The following WASL variants were observed in gnomAD, a reference collection of about 807,000 sequenced individuals.
The protein encoded by WASL is WASP like actin nucleation promoting factor.
In WASL, 20 loss-of-function variants were observed where a neutral mutation model predicts 55.5. The ratio of observed to expected loss-of-function variants is 0.36; its 90% CI spans 0.25 to 0.52. The LOEUF (loss-of-function observed/expected upper bound fraction) is 0.52. Ranked by LOEUF, WASL falls within the 20% of genes least tolerant of loss-of-function variation. The pLI, the probability that WASL is intolerant of heterozygous loss-of-function variation, is 0.92. For synonymous variants in WASL, 249 were observed against 217.6 expected, an observed-to-expected ratio of 1.14 and a Z score of -1.27; for missense variants, 504 against 622.5, an observed-to-expected ratio of 0.81 and a Z score of 2.03.
intron 5 of WASL, among the ~76,000 whole-genome samples, chr7:123,703,383 C>T (rs1479728121): frequency 6.6e-6 from 1 of 152,134 alleles, no homozygotes; most frequent in Non-Finnish European, 1.5e-5. Flanking sequence ...CAGTGCCTGG[C>T]AGGTAGTAAA....
chr7:123,690,278 T>C (rs531495720), intron 9 of WASL, among the ~76,000 whole-genome samples: 4 of 152,292 alleles, frequency 2.6e-5, no homozygotes, highest in Admixed American at 2.0e-4. Flanking sequence ...AAAGTACTAT[T>C]TGAGGTACTA....
chr7:123,696,654 G>A lies in WASL; in HGVS notation c.554C>T (p.Thr185Ile). 1 of 1,606,630 alleles carries A rather than the reference G, an allele frequency of 6.2e-7. No individual in the cohort carries two copies. Among genetic ancestry groups the A allele is most frequent in the Non-Finnish European group, 8.5e-7 (1 of 1,176,256 alleles). Reference sequence around the variant, plus strand: ...AGCTTTTCCCTTCTTCTTTTCTTTGGTATGGGAGATGTTGTTGACTTGTGG... The same window carrying A: ...AGCTTTTCCCTTCTTCTTTTCTTTGATATGGGAGATGTTGTTGACTTGTGG... The part of the protein sequence containing the change: ...YGPQVNNISH[T>I]KEKKKGKAKK... The change falls in exon 6 of 11, where the codon ACC (threonine) becomes ATC (isoleucine). Residue 185 changes from threonine to isoleucine, a missense_variant. Physicochemically the swap from Thr to Ile is moderately conservative, Grantham distance 89. Around this residue, in one of 5 missense-constraint regions of WASL, gnomAD observed 230 missense variants for 271.9 expected, o/e 0.85. Coordinates refer to ENST00000223023, the MANE Select transcript of WASL (RefSeq NM_003941.4).
At chr7:123,691,995 A>G (rs1006299436) in intron 9 of WASL, among the ~76,000 whole-genome samples, 1 of 152,208 alleles carries the variant, frequency 6.6e-6, no homozygotes, top group Non-Finnish European at 1.5e-5. Flanking sequence ...ATCCTGTAAA[A>G]TTCCATTCAC....
At chr7:123,723,238 C>G (rs988085064) in intron 1 of WASL, among the ~76,000 whole-genome samples, 1 of 151,998 alleles carries the variant, frequency 6.6e-6, no homozygotes, top group Non-Finnish European at 1.5e-5. Context: ...TATTACTAGC[C>G]AACAGAAGCT....
At position 123,696,571 on chromosome 7, in the gene WASL, T is replaced by C. The variant is rs771902435; in HGVS notation, c.629+8A>G. 22 of 1,553,898 alleles carry C rather than the reference T, an allele frequency of 1.4e-5. No homozygotes were observed. Among genetic ancestry groups the C allele is most frequent in the Non-Finnish European group, 1.8e-5 (21 of 1,153,970 alleles). ...GTGAAGATAAGAACAACAAAAGAAC[T>C]GTCTTACTGGAAATTGCTTGGTGTT... On this transcript the variant is annotated splice_region_variant and intron_variant, in intron 6 of 10. Transcript: ENST00000223023.
intron 5 of WASL, among the ~76,000 whole-genome samples, chr7:123,698,151 T>A (rs927510457): frequency 1.3e-5 from 2 of 152,084 alleles, no homozygotes; most frequent in East Asian, 3.9e-4. Context: ...TTGCCATGAG[T>A]ACAGCTATAT....
intron 1 of WASL, among the ~76,000 whole-genome samples, chr7:123,729,904 C>T (rs1469528749): frequency 6.6e-6 from 1 of 151,936 alleles, no homozygotes; most frequent in African/African-American, 2.4e-5. Context: ...AAACAAGGCT[C>T]AAAAAATTAA....
chr7:123,734,540 G>A lies in WASL; in HGVS notation c.117+14078C>T, dbSNP rs564134596. On this transcript the variant is annotated intron_variant, in intron 1 of 10. Coordinates refer to ENST00000223023, the MANE Select transcript of WASL (RefSeq NM_003941.4). ...AGCCAGTCTATAAAGGCTACATACT[G>A]TATGATTCCAACTATATGACATGCT... Among the ~76,000 whole-genome samples, 8 of 137,052 alleles carry A rather than the reference G, an allele frequency of 5.8e-5. No homozygotes were observed. The South Asian group carries it at 1.4e-3, about 25-fold the overall frequency. 89.9% of individuals were successfully genotyped at this position (137,052 alleles called of 152,430 possible).
intron 1 of WASL, among the ~76,000 whole-genome samples, chr7:123,741,863 A>G (rs1454302282): frequency 1.3e-5 from 2 of 152,192 alleles, no homozygotes; most frequent in African/African-American, 2.4e-5. Flanking sequence ...ACTTTGGCCA[A>G]CGCTTAAGTA....
At chr7:123,714,212 G>C (rs1246355495) in intron 1 of WASL, among the ~76,000 whole-genome samples, 1 of 152,066 alleles carries the variant, frequency 6.6e-6, no homozygotes, top group Non-Finnish European at 1.5e-5. Context: ...GAAAAACAAT[G>C]TATCTGGCAG....
At chr7:123,728,915 T>C (rs1037247740) in intron 1 of WASL, among the ~76,000 whole-genome samples, 1 of 152,126 alleles carries the variant, frequency 6.6e-6, no homozygotes. Context: ...TTAATGTCTG[T>C]GCCTGTGGGT....
In WASL at chr7:123,723,585, C is replaced by T. The variant is rs552076941; in HGVS notation, c.118-14362G>A. On this transcript the variant is annotated intron_variant, in intron 1 of 10. Transcript: ENST00000223023. ...ACCCCAATACTTCCAGTGTTAGAGA[C>T]TCATTGCCTCTCTCCAGGAACAAGC... Among the ~76,000 whole-genome samples, 5 of 152,306 alleles carry T rather than the reference C, an allele frequency of 3.3e-5. No homozygotes were observed. The South Asian group carries it at 1.0e-3, about 32-fold the overall frequency.
chr7:123,735,948 A>G (rs761437095), intron 1 of WASL, among the ~76,000 whole-genome samples: 16 of 152,152 alleles, frequency 1.1e-4, no homozygotes, highest in Non-Finnish European at 1.8e-4. Flanking sequence ...AAGATAAAGA[A>G]TAAGAAAACT....
intron 1 of WASL, among the ~76,000 whole-genome samples, chr7:123,736,520 A>G (rs1228817228): frequency 6.6e-6 from 1 of 152,214 alleles, no homozygotes; most frequent in Non-Finnish European, 1.5e-5. Flanking sequence ...ACAATACAGC[A>G]TAATAGTCGG....
At chr7:123,721,990 G>A (rs1344106125) in intron 1 of WASL, among the ~76,000 whole-genome samples, 3 of 152,134 alleles carry the variant, frequency 2.0e-5, no homozygotes, top group Admixed American at 6.5e-5. Context: ...AAGCTCCAAA[G>A]CTGGGTGGCT....
chr7:123,728,413 G>A (rs1804086105), intron 1 of WASL, among the ~76,000 whole-genome samples: 2 of 152,144 alleles, frequency 1.3e-5, no homozygotes, highest in South Asian at 4.1e-4. Flanking sequence ...TGTGTGGCCT[G>A]CTATATTAGG....
intron 1 of WASL, among the ~76,000 whole-genome samples, chr7:123,714,444 C>A (rs568497903): frequency 6.6e-6 from 1 of 152,156 alleles, no homozygotes; most frequent in East Asian, 1.9e-4. Flanking sequence ...AAAAAGCAAA[C>A]CTGGAGGAAT....
At chr7:123,697,023 ATAAT>A (rs1451271114) in intron 5 of WASL, among the ~76,000 whole-genome samples, 3 of 152,140 alleles carry the variant, frequency 2.0e-5, no homozygotes, top group African/African-American at 4.8e-5. Context: ...GAATTTAAAT[ATAAT>A]TAGTCTAATC....
intron 1 of WASL, among the ~76,000 whole-genome samples, chr7:123,726,147 A>C (rs1804036351): frequency 6.6e-6 from 1 of 152,196 alleles, no homozygotes. Context: ...ATATTATATA[A>C]GGATGGAAAA....
Sources: gnomAD v4.1 joint callset for allele counts (sites outside exome capture counted in the v4.1 genomes callset) on GRCh38, gnomAD v4.1.1 for gene constraint, gnomAD v4.1.1 regional missense constraint, MANE v1.5 for transcripts, NCBI Gene and HGNC (gene_info 2026-07-23, HGNC 2026-07-21) for gene names.